Variants in PACRG observed in about 807,000 individuals in gnomAD.
PACRG encodes parkin coregulated gene protein.
PACRG carries 29 observed loss-of-function variants against 29.7 expected under a neutral mutation model. The observed-to-expected ratio is 0.98, with a 90% CI of 0.73 to 1.33. The LOEUF (loss-of-function observed/expected upper bound fraction) is 1.33. Ranked by LOEUF, PACRG falls within the 40% of genes most tolerant of loss-of-function variation. The pLI, the probability that PACRG is intolerant of heterozygous loss-of-function variation, is 0.00. For synonymous variants in PACRG, 116 were observed against 118.7 expected (o/e 0.98, Z 0.15); for missense variants, 279 against 316.2 (o/e 0.88, Z 0.89).
chr6:162,838,352 A>G (rs1310956849), intron 2 of PACRG, among the ~76,000 whole-genome samples: 1 of 152,102 alleles, frequency 6.6e-6, no homozygotes. Context: ...TTTCCCATAC[A>G]TGTGGGAGGA....
chr6:163,086,989 G>C (rs756689422), intron 3 of PACRG, among the ~76,000 whole-genome samples: 1 of 152,074 alleles, frequency 6.6e-6, no homozygotes, highest in Non-Finnish European at 1.5e-5. Context: ...AATGGAAGCG[G>C]GTAGGGGGCC....
intron 2 of PACRG, among the ~76,000 whole-genome samples, chr6:162,959,033 C>A (rs1032981016): frequency 6.7e-6 from 1 of 150,350 alleles, no homozygotes; most frequent in African/African-American, 2.5e-5. Flanking sequence ...CCTGCCTCAG[C>A]CTCCGGAGTA....
rs182658404 is a variant in PACRG, at chr6:163,004,814, T to C, written c.292-57336T>C. Among the ~76,000 whole-genome samples, 304 of 150,494 alleles carry C rather than the reference T, an allele frequency of 2.0e-3. 1 individual carries two copies. Among genetic ancestry groups the C allele is most frequent in the African/African-American group, 7.3e-3 (294 of 40,150 alleles). ...AACTATTTTCTAATGAAAATACTTATTTGTTCGTTCATTCATTCAGAGCAG... is the reference window on the plus strand; with the variant it reads ...AACTATTTTCTAATGAAAATACTTACTTGTTCGTTCATTCATTCAGAGCAG... On this transcript the variant is annotated intron_variant, in intron 2 of 4. Coordinates refer to ENST00000366888, the MANE Select transcript of PACRG (RefSeq NM_001080379.2).
intron 4 of PACRG, among the ~76,000 whole-genome samples, chr6:163,180,999 G>A (rs1241470570): frequency 6.6e-6 from 1 of 152,208 alleles, no homozygotes; most frequent in Non-Finnish European, 1.5e-5. Flanking sequence ...GAGCCAGGGT[G>A]TGAACCCAGA....
chr6:163,001,498 C>T (rs1188717899), intron 2 of PACRG, among the ~76,000 whole-genome samples: 3 of 152,084 alleles, frequency 2.0e-5, no homozygotes, highest in African/African-American at 7.2e-5. Flanking sequence ...GGTTTGAAAG[C>T]CTTCAGGCCA....
chr6:163,188,488 CT>C (rs1780056952), intron 4 of PACRG, among the ~76,000 whole-genome samples: 1 of 152,180 alleles, frequency 6.6e-6, no homozygotes, highest in Non-Finnish European at 1.5e-5. Context: ...AGTCCACCGT[CT>C]CCTTTATAAG....
intron 4 of PACRG, among the ~76,000 whole-genome samples, chr6:163,113,441 A>C (rs1815817374): frequency 6.6e-6 from 1 of 152,204 alleles, no homozygotes; most frequent in Non-Finnish European, 1.5e-5. Context: ...AGAGAACCAC[A>C]CTGAGACATA....
chr6:163,068,274 T>A lies in PACRG; in HGVS notation c.463+5953T>A, dbSNP rs115812511. 7.0e-3 allele frequency among the ~76,000 whole-genome samples: 1,068 copies of A among 152,292 alleles called. 9 individuals carry two copies. Among genetic ancestry groups the A allele is most frequent in the African/African-American group, 0.019 (777 of 41,560 alleles). On this transcript the variant is annotated intron_variant, in intron 3 of 4. Transcript: ENST00000366888. ...TATCTGAAAATTCTATCATCAAGCT[T>A]GATTATGAGTTTGCTTTGTTGAAAA...
At chr6:163,231,385 C>T (rs1195152085) in intron 4 of PACRG, among the ~76,000 whole-genome samples, 2 of 152,152 alleles carry the variant, frequency 1.3e-5, no homozygotes, top group Admixed American at 6.5e-5. Flanking sequence ...AGTTCCCTGC[C>T]CATACCCTTT....
chr6:162,893,308 C>T (rs1342760493), intron 2 of PACRG, among the ~76,000 whole-genome samples: 1 of 152,018 alleles, frequency 6.6e-6, no homozygotes, highest in Non-Finnish European at 1.5e-5. Flanking sequence ...GGGAGGGCCT[C>T]GGCTCGACTG....
chr6:163,264,596 A>G (rs1783457531), intron 4 of PACRG, among the ~76,000 whole-genome samples: 1 of 152,194 alleles, frequency 6.6e-6, no homozygotes, highest in African/African-American at 2.4e-5. Context: ...GGGCCTAGAC[A>G]GAGATTGGTG....
rs544114118 is a variant in PACRG at position 162,728,192 on chromosome 6, T to G, written c.-44T>G. On this transcript the variant is annotated 5_prime_UTR_variant, in exon 1 of 5. In the 5' UTR this introduces an upstream ATG that the reference lacks. Coordinates refer to ENST00000366888, the MANE Select transcript of PACRG (RefSeq NM_001080379.2). The stretch of plus-strand genomic sequence containing the variant: ...GCTCACATCCGTAAAGCCCACTGAT[T>G]CTTTTACTACACTTTTTATGAGAAC... 7 of 1,596,624 alleles carry G rather than the reference T, an allele frequency of 4.4e-6. No individual in the cohort carries two copies. Among genetic ancestry groups the G allele is most frequent in the Non-Finnish European group, 6.0e-6 (7 of 1,170,530 alleles).
intron 4 of PACRG, among the ~76,000 whole-genome samples, chr6:163,185,114 G>C (rs1230778891): frequency 6.6e-6 from 1 of 152,180 alleles, no homozygotes. Flanking sequence ...AAATACTGCT[G>C]TTTGTAGCCA....
intron 2 of PACRG, among the ~76,000 whole-genome samples, chr6:162,979,094 G>A (rs969663017): frequency 6.6e-6 from 1 of 152,112 alleles, no homozygotes. Flanking sequence ...ATAATAACCT[G>A]TCTTTATAAT....
chr6:163,308,665 C>CAAAAAAAAAA (rs34275762), intron 4 of PACRG, among the ~76,000 whole-genome samples: 3 of 131,436 alleles, frequency 2.3e-5, no homozygotes, highest in Non-Finnish European at 3.4e-5. Context: ...GGCTCCGTCT[C>CAAAAAAAAAA]AAAAAAAAAA....
At chr6:163,205,615 A>G (rs1046634426) in intron 4 of PACRG, among the ~76,000 whole-genome samples, 3 of 152,236 alleles carry the variant, frequency 2.0e-5, no homozygotes, top group Non-Finnish European at 4.4e-5. Context: ...ACCCTGGAAG[A>G]TAACCTCAGA....
chr6:163,171,820 G>A (rs1779100681), intron 4 of PACRG, among the ~76,000 whole-genome samples: 1 of 152,172 alleles, frequency 6.6e-6, no homozygotes, highest in Admixed American at 6.5e-5. Flanking sequence ...GACTGCAGCT[G>A]GCCCAAGTCG....
intron 2 of PACRG, among the ~76,000 whole-genome samples, chr6:162,895,287 A>T (rs981315799): frequency 9.9e-5 from 15 of 151,736 alleles, no homozygotes; most frequent in Admixed American, 2.0e-4. Context: ...AAAAAAAAAA[A>T]AAAATACAAC....
At chr6:162,932,924 T>C (rs1797957411) in intron 2 of PACRG, among the ~76,000 whole-genome samples, 1 of 151,962 alleles carries the variant, frequency 6.6e-6, no homozygotes, top group Non-Finnish European at 1.5e-5. Flanking sequence ...TTTTTTTTCT[T>C]GCTTTTCTAA....
Sources: allele counts gnomAD v4.1 joint callset (sites outside exome capture counted in the v4.1 genomes callset), GRCh38; gene constraint gnomAD v4.1.1; transcripts MANE v1.5; gene names NCBI Gene and HGNC (gene_info 2026-07-23, HGNC 2026-07-21).